Variants in AGTPBP1 observed in about 807,000 individuals in gnomAD.
AGTPBP1 encodes the protein cytosolic carboxypeptidase 1.
In AGTPBP1, 70 loss-of-function variants were observed where a neutral mutation model predicts 143.9. The ratio of observed to expected loss-of-function variants is 0.49; its 90% confidence interval spans 0.40 to 0.59. The LOEUF (loss-of-function observed/expected upper bound fraction) is 0.59, where lower values mean the gene tolerates loss of function less well. Ranked by LOEUF, AGTPBP1 falls within the 20% of genes least tolerant of loss-of-function variation. AGTPBP1 has a pLI of 0.00. For synonymous variants in AGTPBP1, 463 were observed against 500.2 expected (o/e 0.93, Z 0.99); for missense variants, 1,229 against 1,464.5 (o/e 0.84, Z 2.62).
chr9:85,765,587 A>C, the AGTPBP1 span, among the ~76,000 whole-genome samples: 6 of 152,080 alleles, frequency 3.9e-5, no homozygotes, highest in African/African-American at 1.4e-4. Context: ...GTCTTTTTTC[A>C]AAATTTTCAG....
chr9:85,664,463 G>T lies in AGTPBP1; in HGVS notation c.663-3490C>A, dbSNP rs146295431. Among the ~76,000 whole-genome samples the T allele has an allele frequency of 2.4e-4, 36 of 152,178 alleles. No homozygotes were observed. The East Asian group carries it at 6.7e-3, about 29-fold the overall frequency. The stretch of plus-strand genomic sequence containing the variant: ...AGTTCATTTTTATATGATTTTTAAA[G>T]AAATTAAAACATTTTTATGGGACCC... On this transcript the variant is annotated intron_variant, in intron 8 of 25. Transcript: ENST00000357081.
At chr9:85,690,742 CAGG>C (rs1244016691) in intron 3 of AGTPBP1, among the ~76,000 whole-genome samples, 4 of 147,220 alleles carry the variant, frequency 2.7e-5, no homozygotes, top group Non-Finnish European at 6.0e-5. Context: ...GCAGTATGGT[CAGG>C]AGTATTTTCA....
chr9:85,752,567 T>A, the AGTPBP1 span, among the ~76,000 whole-genome samples: 1 of 152,286 alleles, frequency 6.6e-6, no homozygotes, highest in African/African-American at 2.4e-5. Context: ...AAATCCTAAT[T>A]TTTGCAGTTG....
the AGTPBP1 span, among the ~76,000 whole-genome samples, chr9:85,788,932 G>A: frequency 1.1e-4 from 17 of 151,762 alleles, no homozygotes; most frequent in East Asian, 2.3e-3. Context: ...TGTGCTATGC[G>A]TTATTTAGGA....
At chr9:85,549,257 A>G (rs1271552525) in intron 25 of AGTPBP1, among the ~76,000 whole-genome samples, 6 of 152,232 alleles carry the variant, frequency 3.9e-5, no homozygotes, top group Non-Finnish European at 8.8e-5. Flanking sequence ...CTGTGCCAGC[A>G]CAGGGTCTGG....
intron 3 of AGTPBP1, among the ~76,000 whole-genome samples, chr9:85,685,426 C>A (rs1835430804): frequency 6.6e-6 from 1 of 151,948 alleles, no homozygotes; most frequent in Non-Finnish European, 1.5e-5. Flanking sequence ...CAACAGAGTT[C>A]TCATTTGAAA....
At chr9:85,771,066 C>T in the AGTPBP1 span, among the ~76,000 whole-genome samples, 1 of 152,188 alleles carries the variant, frequency 6.6e-6, no homozygotes, top group South Asian at 2.1e-4. Context: ...AGAACTATAT[C>T]CGTCTTTTCT....
chr9:85,707,346 A>T (rs1171036595), intron 2 of AGTPBP1, among the ~76,000 whole-genome samples: 1 of 152,218 alleles, frequency 6.6e-6, no homozygotes, highest in Non-Finnish European at 1.5e-5. Context: ...AAAAGAGCAC[A>T]TGAAACTCAA....
intron 1 of AGTPBP1, among the ~76,000 whole-genome samples, chr9:85,713,767 AAAAGG>A (rs1837531060): frequency 6.6e-6 from 1 of 152,226 alleles, no homozygotes; most frequent in Non-Finnish European, 1.5e-5. Context: ...CTTAACTAAG[AAAAGG>A]AAATATTTAG....
chr9:85,612,034 T>G (rs1369277547), intron 17 of AGTPBP1, among the ~76,000 whole-genome samples: 1 of 152,148 alleles, frequency 6.6e-6, no homozygotes, highest in East Asian at 1.9e-4. Flanking sequence ...TACCCCCCAG[T>G]TCCTGGCTCA....
At position 85,689,925 on chromosome 9, in the gene AGTPBP1, AATAT is replaced by A. The variant is rs1554726691; in HGVS notation, c.157+2760_157+2763del. On this transcript the variant is annotated intron_variant, in intron 3 of 25. Coordinates refer to ENST00000357081, the MANE Select transcript of AGTPBP1 (RefSeq NM_001330701.2). ...AAAAAAAAAAAAAAAAAAAAAAAAA[AATAT>A]ATATATATATATATATATCTTAAAG... Among the ~76,000 whole-genome samples the A allele has an allele frequency of 9.5e-3, 687 of 72,498 alleles. 32 individuals are homozygous for A. The highest frequency in any genetic ancestry group is 0.036 in the African/African-American group (523 of 14,510). 47.6% of individuals were successfully genotyped at this position (72,498 alleles called of 152,430 possible). A position where few individuals can be genotyped will look rare whatever the true frequency, so the allele number is the denominator to read the frequency against.
At chr9:85,585,635 C>A in intron 22 of AGTPBP1, 41 bp from the exon 23 acceptor site, 1 of 1,490,726 alleles carries the variant, frequency 6.7e-7, no homozygotes, top group South Asian at 1.4e-5. Flanking sequence ...ACTTCAAGTT[C>A]ATATGTTGCT....
At chr9:85,688,519 G>GA (rs1564146252) in intron 3 of AGTPBP1, among the ~76,000 whole-genome samples, 1 of 151,956 alleles carries the variant, frequency 6.6e-6, no homozygotes, top group South Asian at 2.1e-4. Flanking sequence ...GACAGACCAA[G>GA]AAAAAAGAAA....
chr9:85,597,928 A>AT (rs1402074568), intron 17 of AGTPBP1, among the ~76,000 whole-genome samples: 1 of 152,100 alleles, frequency 6.6e-6, no homozygotes, highest in African/African-American at 2.4e-5. Flanking sequence ...TCTTATTTCA[A>AT]TTTACTTTTA....
rs1233989839 is a variant in AGTPBP1 at position 85,632,624 on chromosome 9, T to C, written c.2015+38A>G. 3 of 1,505,094 alleles carry C rather than the reference T, an allele frequency of 2.0e-6. No individual in the cohort carries two copies. In the South Asian group the frequency reaches 4.0e-5, roughly 20 times the overall value. 93.2% of individuals were successfully genotyped at this position (1,505,094 alleles called of 1,614,324 possible). ...TTAAGACTGCCTCATATCTTGACAA[T>C]AGCCTTATTTAGAAGAGGGAAGAAA... is the stretch of plus-strand genomic sequence containing the variant. On this transcript the variant is annotated intron_variant, in intron 14 of 25. Transcript: ENST00000357081.
chr9:85,743,803 C>G (rs547446462), upstream of AGTPBP1, among the ~76,000 whole-genome samples: 1 of 152,168 alleles, frequency 6.6e-6, no homozygotes. Context: ...CCTCTAGCAT[C>G]GTGGGACCTT....
chr9:85,637,894 C>T (rs1037324630), intron 13 of AGTPBP1, among the ~76,000 whole-genome samples: 4 of 152,120 alleles, frequency 2.6e-5, no homozygotes, highest in African/African-American at 9.7e-5. Flanking sequence ...AGCAAGACAG[C>T]ATGTGCACAA....
At chr9:85,574,303 A>C (rs1264128083) in intron 25 of AGTPBP1, among the ~76,000 whole-genome samples, 1 of 152,022 alleles carries the variant, frequency 6.6e-6, no homozygotes, top group Admixed American at 6.6e-5. Context: ...ACCACTCCCT[A>C]ATCTCAAGTA....
chr9:85,740,339 C>T (rs940302182), intron 1 of AGTPBP1, among the ~76,000 whole-genome samples: 2 of 152,222 alleles, frequency 1.3e-5, no homozygotes, highest in South Asian at 2.1e-4. Context: ...TGTAACTTCA[C>T]CATAGAATTT....
Sources: gnomAD v4.1 joint callset for allele counts (sites outside exome capture counted in the v4.1 genomes callset) on GRCh38, gnomAD v4.1.1 for gene constraint, MANE v1.5 for transcripts, NCBI Gene and HGNC (gene_info 2026-07-23, HGNC 2026-07-21) for gene names.